Variants in MYO3A observed in about 807,000 individuals in gnomAD.
MYO3A encodes myosin IIIA, also known as myosin-IIIa.
MYO3A carries 180 observed loss-of-function variants against 192.7 expected under a neutral mutation model. The observed-to-expected ratio is 0.93, with a 90% CI of 0.83 to 1.06. The LOEUF (loss-of-function observed/expected upper bound fraction) is 1.06, where lower values mean the gene tolerates loss of function less well. Ranked by LOEUF, MYO3A falls within the 50% of genes least tolerant of loss-of-function variation. MYO3A has a pLI of 0.00. For missense variants in MYO3A, 1,896 were observed against 1,905.0 expected (o/e 1.00, Z 0.09); for synonymous variants, 628 against 645.3 (o/e 0.97, Z 0.41).
intron 26 of MYO3A, among the ~76,000 whole-genome samples, chr10:26,158,448 G>A (rs1841284649): frequency 6.6e-6 from 1 of 151,690 alleles, no homozygotes; most frequent in African/African-American, 2.4e-5. Context: ...TAGAGATGGG[G>A]GTTTCACCGT....
chr10:26,100,866 T>C (rs11498425), intron 17 of MYO3A, among the ~76,000 whole-genome samples: 4,052 of 152,268 alleles, frequency 0.027, 203 homozygotes, highest in African/African-American at 0.092. Flanking sequence ...GAAGAATGTA[T>C]ATTCTGTTGA....
intron 20 of MYO3A, among the ~76,000 whole-genome samples, chr10:26,137,384 A>G (rs564549568): frequency 2.0e-4 from 31 of 152,344 alleles, no homozygotes; most frequent in African/African-American, 7.5e-4. Context: ...TAGTTCCCAA[A>G]TAACACTTTC....
chr10:26,039,621 A>G (rs115615713), intron 10 of MYO3A, among the ~76,000 whole-genome samples: 1 of 151,932 alleles, frequency 6.6e-6, no homozygotes, highest in Non-Finnish European at 1.5e-5. Context: ...GGTAGGTTGT[A>G]TGTGTCTGGG....
chr10:26,175,338 T>G (rs925295351), intron 30 of MYO3A, among the ~76,000 whole-genome samples: 1 of 152,246 alleles, frequency 6.6e-6, no homozygotes, highest in African/African-American at 2.4e-5. Context: ...GCATTTAACC[T>G]TCATAAAATC....
chr10:25,981,505 CAG>C (rs1261118421), intron 4 of MYO3A, among the ~76,000 whole-genome samples: 16 of 152,104 alleles, frequency 1.1e-4, no homozygotes, highest in Admixed American at 1.0e-3. Context: ...GGGCAAGCCA[CAG>C]GGTTGGAGGA....
Position 25,952,160 on chromosome 10 carries a change from C to G in MYO3A, c.50C>G (p.Pro17Arg). The change falls in exon 3 of 35, where the codon CCT becomes CGT. Residue 17 changes from proline to arginine, a missense_variant. Coordinates refer to ENST00000642920, the MANE Select transcript of MYO3A (RefSeq NM_017433.5). ...KTIIFDNFPD[P>R]SDTWEITETI... Reference sequence around the variant, plus strand: ...ATCATCTTTGATAACTTTCCTGATCCTTCTGATACATGGGAAATCACTGAG... The same window carrying G: ...ATCATCTTTGATAACTTTCCTGATCGTTCTGATACATGGGAAATCACTGAG... 3 of 1,612,290 alleles carry G rather than the reference C, an allele frequency of 1.9e-6. No individual in the cohort carries two copies. Among genetic ancestry groups the G allele is most frequent in the Non-Finnish European group, 2.5e-6 (3 of 1,178,816 alleles).
chr10:26,035,724 C>G (rs1842995136), intron 10 of MYO3A, among the ~76,000 whole-genome samples: 1 of 152,196 alleles, frequency 6.6e-6, no homozygotes, highest in African/African-American at 2.4e-5. Flanking sequence ...TTCAGACTAG[C>G]TCTTTTACTA....
chr10:26,199,346 A>G (rs1048680194), intron 32 of MYO3A, among the ~76,000 whole-genome samples: 3 of 152,150 alleles, frequency 2.0e-5, no homozygotes, highest in Non-Finnish European at 4.4e-5. Context: ...TGAGCTTAAG[A>G]GTTCGAGACC....
chr10:26,040,652 A>G (rs1432824188), intron 10 of MYO3A, among the ~76,000 whole-genome samples: 6 of 152,076 alleles, frequency 3.9e-5, no homozygotes, highest in Non-Finnish European at 8.8e-5. Context: ...ACTAGCAAGT[A>G]TTCTTGGGGT....
chr10:26,158,375 C>T (rs1255898596), intron 26 of MYO3A, among the ~76,000 whole-genome samples: 1 of 151,844 alleles, frequency 6.6e-6, no homozygotes, highest in Non-Finnish European at 1.5e-5. Context: ...GCCTCAGCCT[C>T]CCGACTAGCT....
chr10:25,963,879 A>G (rs1282298992), intron 4 of MYO3A, among the ~76,000 whole-genome samples: 2 of 152,196 alleles, frequency 1.3e-5, no homozygotes, highest in East Asian at 1.9e-4. Flanking sequence ...ACTCTTATAT[A>G]TCTTTCTTTC....
At position 26,154,778 on chromosome 10, in the gene MYO3A, A is replaced by G; in HGVS notation, c.2748A>G (p.Arg916=). 2 of 1,613,908 alleles carry G rather than the reference A, an allele frequency of 1.2e-6. No homozygotes were observed. The highest frequency in any genetic ancestry group is 2.7e-5 in the African/African-American group (2 of 75,060). ...GDTGEATRHA[R]ETTNMKTQTV... is the part of the protein sequence containing the mutation. ...CTGGAGAAGCCACACGTCATGCCAG[A>G]GAGACAACCAACATGAAAACACAAA... The change falls in exon 25 of 35, where the codon AGA becomes AGG. Residue 916 remains arginine, a synonymous_variant. Transcript: ENST00000642920.
chr10:26,161,008 T>G (rs542926956), intron 26 of MYO3A, among the ~76,000 whole-genome samples: 1 of 152,364 alleles, frequency 6.6e-6, no homozygotes, highest in Admixed American at 6.5e-5. Context: ...TATTTGTAAT[T>G]ATTGTGCTAT....
chr10:26,101,722 G>GC (rs1478860581), intron 17 of MYO3A, among the ~76,000 whole-genome samples: 1 of 152,076 alleles, frequency 6.6e-6, no homozygotes, highest in African/African-American at 2.4e-5. Context: ...TTGAATATTG[G>GC]CCCCCACTCT....
At chr10:25,947,972 T>C (rs965884852) in intron 2 of MYO3A, among the ~76,000 whole-genome samples, 1 of 152,090 alleles carries the variant, frequency 6.6e-6, no homozygotes, top group Non-Finnish European at 1.5e-5. Flanking sequence ...ATAAGTGTTA[T>C]CAAAATAGAG....
At chr10:26,108,761 T>C (rs986299567) in intron 17 of MYO3A, among the ~76,000 whole-genome samples, 1 of 152,222 alleles carries the variant, frequency 6.6e-6, no homozygotes, top group Non-Finnish European at 1.5e-5. Flanking sequence ...CCATCTTGAG[T>C]ATCCTTGCTG....
At chr10:25,966,098 C>T (rs753379133) in intron 4 of MYO3A, among the ~76,000 whole-genome samples, 33 of 151,842 alleles carry the variant, frequency 2.2e-4, no homozygotes, top group African/African-American at 2.2e-4. Context: ...GGTGTCCTTG[C>T]GAGGGGGTGG....
Position 26,174,749 on chromosome 10 carries a change from A to T in MYO3A, c.4293+192A>T, listed in dbSNP as rs78964464. Among the ~76,000 whole-genome samples, 321 of 152,336 alleles carry T rather than the reference A, an allele frequency of 2.1e-3. 3 individuals carry two copies. Among genetic ancestry groups the T allele is most frequent in the African/African-American group, 7.4e-3 (307 of 41,566 alleles). The stretch of plus-strand genomic sequence containing the variant: ...ACTTTTAACCCAATTTACCGTGGTA[A>T]CAATAGTATAAAATATGATAGAAAC... On this transcript the variant is annotated intron_variant, in intron 30 of 34. Transcript: ENST00000642920.
chr10:26,062,530 A>AACAAAACAAAAAAAACAAAAAAAAACG (rs1554816582), intron 10 of MYO3A, among the ~76,000 whole-genome samples: 1 of 125,946 alleles, frequency 7.9e-6, no homozygotes, highest in Non-Finnish European at 1.7e-5. Context: ...AAAAAAAAAA[A>AACAAAACAAAAAAAACAAAAAAAAACG]AAATTATGGA....
Sources: gnomAD v4.1 joint callset for allele counts (sites outside exome capture counted in the v4.1 genomes callset) on GRCh38, gnomAD v4.1.1 for gene constraint, MANE v1.5 for transcripts, NCBI Gene and HGNC (gene_info 2026-07-23, HGNC 2026-07-21) for gene names.